SLC71A2: variants seen among roughly 807,000 people sequenced by gnomAD.
SLC71A2 encodes the protein solute carrier family 71 member 2, also known as hippocampus abundant transcript-like 1.
At chr9:94,438,549 C>T in the SLC71A2 span, 5 of 1,603,018 alleles carry the variant, frequency 3.1e-6, no homozygotes, top group Admixed American at 1.8e-5. Flanking sequence ...TGGCCCTTCA[C>T]CTCCTGACTG....
chr9:94,433,374 A>AG, the SLC71A2 span: 1 of 150,458 alleles, frequency 6.6e-6, no homozygotes, highest in Non-Finnish European at 1.5e-5. Flanking sequence ...ACATTGCGTA[A>AG]AAAAAAGGTC....
chr9:94,391,304 A>C, the SLC71A2 span, among the ~76,000 whole-genome samples: 1 of 150,874 alleles, frequency 6.6e-6, no homozygotes, highest in South Asian at 2.1e-4. Context: ...TTGAGGCTGC[A>C]GTGAGCTGTG....
the SLC71A2 span, chr9:94,454,126 CT>C: frequency 7.9e-7 from 1 of 1,264,102 alleles, no homozygotes; most frequent in Non-Finnish European, 1.2e-6. Context: ...CTTAGAGGAG[CT>C]TGGGGTGGTT....
chr9:94,428,062 G>A, the SLC71A2 span, among the ~76,000 whole-genome samples: 1 of 151,990 alleles, frequency 6.6e-6, no homozygotes, highest in Admixed American at 6.6e-5. Context: ...GGCGGGGGTT[G>A]CAGTGAGCTG....
At chr9:94,403,093 T>C in the SLC71A2 span, among the ~76,000 whole-genome samples, 5 of 152,186 alleles carry the variant, frequency 3.3e-5, no homozygotes, top group Admixed American at 2.6e-4. Context: ...GTACCTCATA[T>C]AAGTGAAATT....
the SLC71A2 span, among the ~76,000 whole-genome samples, chr9:94,405,493 C>T: frequency 4.6e-3 from 632 of 137,604 alleles, 2 homozygotes; most frequent in Middle Eastern, 8.1e-3. Flanking sequence ...AGCGAGACTC[C>T]GTCTCAAAAA....
the SLC71A2 span, among the ~76,000 whole-genome samples, chr9:94,439,022 G>GTTTT: frequency 3.5e-5 from 4 of 115,688 alleles, 1 homozygote; most frequent in East Asian, 2.4e-4. Context: ...ATTTGAGTTC[G>GTTTT]TTTTTTTTTT....
At chr9:94,431,831 C>T in the SLC71A2 span, among the ~76,000 whole-genome samples, 1 of 152,218 alleles carries the variant, frequency 6.6e-6, no homozygotes, top group Non-Finnish European at 1.5e-5. Flanking sequence ...TATTTGACAC[C>T]ACTAGCTCCA....
the SLC71A2 span, among the ~76,000 whole-genome samples, chr9:94,411,000 G>A: frequency 5.9e-5 from 9 of 152,118 alleles, no homozygotes; most frequent in South Asian, 2.1e-4. Context: ...TGCCTGCCTC[G>A]GCCTCACAAA....
the SLC71A2 span, among the ~76,000 whole-genome samples, chr9:94,404,250 G>A: frequency 6.6e-6 from 1 of 152,124 alleles, no homozygotes; most frequent in Non-Finnish European, 1.5e-5. Flanking sequence ...GTTTTGATTT[G>A]CATTTCCCTA....
the SLC71A2 span, among the ~76,000 whole-genome samples, chr9:94,419,732 A>G: frequency 2.0e-5 from 3 of 151,618 alleles, no homozygotes; most frequent in Non-Finnish European, 4.4e-5. Context: ...GTGCCACTAC[A>G]CTTGGCCATG....
At chr9:94,448,707 G>C in the SLC71A2 span, among the ~76,000 whole-genome samples, 2 of 152,088 alleles carry the variant, frequency 1.3e-5, no homozygotes, top group Non-Finnish European at 2.9e-5. Flanking sequence ...ATCTTGGCTC[G>C]CTGCAGCCTC....
chr9:94,391,473 TAAA>T, the SLC71A2 span, among the ~76,000 whole-genome samples: 2 of 151,514 alleles, frequency 1.3e-5, no homozygotes, highest in African/African-American at 4.8e-5. Flanking sequence ...TGTAATCAGG[TAAA>T]AAATCAGTAC....
At chr9:94,389,448 A>T in the SLC71A2 span, among the ~76,000 whole-genome samples, 8 of 150,838 alleles carry the variant, frequency 5.3e-5, no homozygotes, top group Admixed American at 2.0e-4. Flanking sequence ...GTATATATAT[A>T]TATTTTTTTC....
At chr9:94,406,268 T>C in the SLC71A2 span, among the ~76,000 whole-genome samples, 2 of 151,830 alleles carry the variant, frequency 1.3e-5, no homozygotes, top group African/African-American at 2.4e-5. Context: ...TGAAACAGAG[T>C]TTCACTGTTG....
chr9:94,377,613 G>T, the SLC71A2 span, among the ~76,000 whole-genome samples: 1 of 150,700 alleles, frequency 6.6e-6, no homozygotes, highest in Non-Finnish European at 1.5e-5. Flanking sequence ...AAACTCCTGG[G>T]CTCAAATGAT....
chr9:94,380,244 C>T, the SLC71A2 span, among the ~76,000 whole-genome samples: 3 of 151,964 alleles, frequency 2.0e-5, no homozygotes, highest in Non-Finnish European at 2.9e-5. Context: ...GCACTCCAGC[C>T]TGGGCGACAG....
At chr9:94,445,143 G>A in the SLC71A2 span, 1 of 1,613,918 alleles carries the variant, frequency 6.2e-7, no homozygotes, top group Non-Finnish European at 8.5e-7. Context: ...CGGTTTCCTG[G>A]GGAGCTCAGA....
the SLC71A2 span, among the ~76,000 whole-genome samples, chr9:94,395,688 T>C: frequency 6.6e-6 from 1 of 152,156 alleles, no homozygotes; most frequent in African/African-American, 2.4e-5. Flanking sequence ...TCACAAGCCC[T>C]CCCACATGTC....
Sources: allele counts gnomAD v4.1 joint callset (sites outside exome capture counted in the v4.1 genomes callset), GRCh38; gene constraint gnomAD v4.1.1; transcripts MANE v1.5; gene names NCBI Gene and HGNC (gene_info 2026-07-23, HGNC 2026-07-21).